Variants in EVC observed in about 807,000 individuals in gnomAD.
EVC encodes evC complex member EVC.
In EVC, 116 loss-of-function variants were observed where a neutral mutation model predicts 118.9. The observed-to-expected ratio is 0.98, with a 90% confidence interval of 0.84 to 1.14. EVC has a LOEUF of 1.14. Among genes scored for constraint, EVC ranks in the 50% most tolerant of loss-of-function variants. The probability of loss-of-function intolerance (pLI) is 0.00; values close to 1 mark genes in which losing one functional copy is unlikely to be tolerated. For missense variants in EVC, 1,401 were observed against 1,246.4 expected, an observed-to-expected ratio of 1.12 and a Z score of -1.87; for synonymous variants, 619 against 534.7, an observed-to-expected ratio of 1.16 and a Z score of -2.18.
chr4:5,761,244 C>G (rs1264285759), intron 11 of EVC, among the ~76,000 whole-genome samples: 1 of 152,040 alleles, frequency 6.6e-6, no homozygotes, highest in African/African-American at 2.4e-5. Context: ...GAATGCCTCC[C>G]CGCCTGCTCC....
intron 13 of EVC, 24 bp downstream of exon 13, chr4:5,793,741 C>T (rs1373650012): frequency 2.0e-6 from 3 of 1,527,406 alleles, no homozygotes; most frequent in Admixed American, 3.9e-5. Context: ...CCTGAAGGCC[C>T]AGGGCTTTGT....
chr4:5,782,633 T>G (rs1735795994), intron 11 of EVC, among the ~76,000 whole-genome samples: 1 of 151,348 alleles, frequency 6.6e-6, no homozygotes, highest in Admixed American at 6.6e-5. Flanking sequence ...TTTTCATGAT[T>G]TTTAGAAAGA....
intron 2 of EVC, among the ~76,000 whole-genome samples, chr4:5,720,712 G>A (rs914266474): frequency 7.9e-5 from 12 of 152,330 alleles, no homozygotes; most frequent in African/African-American, 2.9e-4. Context: ...TGGACGGGGG[G>A]AGAGATGGGG....
chr4:5,749,182 G>T lies in EVC; in HGVS notation c.1098+876G>T, dbSNP rs1729961488. ...TGGAGTGGAGGCCCTGGCATTGTGG[G>T]TTTTAAAACTCCCTGAACTATTCTG... On this transcript the variant is annotated intron_variant, in intron 8 of 20. Transcript: ENST00000264956. This position sits in a 1 kb window ranked among gnomAD's most constrained non-coding sequence, Gnocchi z 4.4. 1.3e-5 allele frequency among the ~76,000 whole-genome samples: 2 copies of T among 152,006 alleles called. No homozygotes were observed. The highest frequency in any genetic ancestry group is 4.8e-5 in the African/African-American group (2 of 41,360).
At chr4:5,828,772 TG>T in the EVC span, 2 of 1,350,390 alleles carry the variant, frequency 1.5e-6, no homozygotes, top group African/African-American at 1.5e-5. Flanking sequence ...CGTGTTCCAA[TG>T]TTTTTTTTTC....
intron 6 of EVC, among the ~76,000 whole-genome samples, chr4:5,744,308 T>C (rs1729035950): frequency 6.6e-6 from 1 of 152,186 alleles, no homozygotes; most frequent in East Asian, 1.9e-4. Flanking sequence ...GGATTAGAAA[T>C]CACATATGGC....
chr4:5,804,743 A>G lies in EVC; in HGVS notation c.2463A>G (p.Glu821=), dbSNP rs762865760. The stretch of plus-strand genomic sequence containing the variant: ...TAAATGGTCTAGGTGAGAGGATGGA[A>G]AATTACAAACTGCGGAAAAAGCAAG... ...HLKTLQGERM[E]NYKLRKKQEL... The change falls in exon 17 of 21, where the codon GAA becomes GAG. Residue 821 remains glutamate, a synonymous_variant. Coordinates refer to ENST00000264956, the MANE Select transcript of EVC (RefSeq NM_153717.3). 4 of 1,614,106 alleles carry G rather than the reference A, an allele frequency of 2.5e-6. No individual in the cohort carries two copies. The highest frequency in any genetic ancestry group is 3.4e-6 in the Non-Finnish European group (4 of 1,180,018).
intron 8 of EVC, among the ~76,000 whole-genome samples, chr4:5,748,738 A>G: frequency 1.5e-5 from 1 of 67,100 alleles, no homozygotes; most frequent in Non-Finnish European, 3.5e-5. Flanking sequence ...CCACCCATCA[A>G]TCCACCCATC....
intron 11 of EVC, among the ~76,000 whole-genome samples, chr4:5,762,427 TG>T (rs1300648769): frequency 9.8e-5 from 13 of 132,500 alleles, no homozygotes; most frequent in Admixed American, 1.5e-4. Context: ...AGTAATGGGA[TG>T]GCTGGGTCAA....
At chr4:5,803,915 C>T (rs1183677548) in intron 16 of EVC, among the ~76,000 whole-genome samples, 5 of 150,118 alleles carry the variant, frequency 3.3e-5, no homozygotes, top group African/African-American at 1.2e-4. Flanking sequence ...CAGGTCTAAA[C>T]CATGCCTGTC....
Position 5,741,799 on chromosome 4 carries a change from T to C in EVC, c.786T>C (p.Leu262=). 2.0e-6 allele frequency: 3 copies of C among 1,500,858 alleles called. No individual in the cohort carries two copies. The highest frequency in any genetic ancestry group is 1.1e-5 in the South Asian group (1 of 88,174). The allele number at this position is 1,500,858 out of a possible 1,614,324, so 93.0% of individuals were successfully genotyped here. A position where few individuals can be genotyped will look rare whatever the true frequency, so the allele number is the denominator to read the frequency against. The part of the protein sequence containing the change: ...KSDDELYQKI[L]SKQEKDLEEL... Reference sequence around the variant, plus strand: ...ATGATGAACTATACCAGAAGATCCTTTCAAAACAAGAAAAAGTAAGTCTTC... The same window carrying C: ...ATGATGAACTATACCAGAAGATCCTCTCAAAACAAGAAAAAGTAAGTCTTC... The change falls in exon 6 of 21, where the codon CTT becomes CTC. Residue 262 remains leucine, a synonymous_variant. Coordinates refer to ENST00000264956, the MANE Select transcript of EVC (RefSeq NM_153717.3).
At chr4:5,745,123 A>T (rs536802925) in intron 6 of EVC, 81 bp from the exon 7 acceptor site, 2 of 1,384,708 alleles carry the variant, frequency 1.4e-6, no homozygotes, top group South Asian at 2.5e-5. Context: ...TGAAAAATAA[A>T]AGCATTTATT....
intron 2 of EVC, among the ~76,000 whole-genome samples, chr4:5,721,681 A>G (rs1209385655): frequency 5.3e-5 from 8 of 152,182 alleles, no homozygotes; most frequent in Non-Finnish European, 1.2e-4. Flanking sequence ...AGCCTGGCCA[A>G]CATGGTGAAA....
the EVC span, chr4:5,821,706 G>A: frequency 6.7e-7 from 1 of 1,502,524 alleles, no homozygotes; most frequent in Non-Finnish European, 9.1e-7. The surrounding 1 kb of genome is among the most constrained non-coding windows in gnomAD (Gnocchi z 4.4). Context: ...GACAGGAAAA[G>A]GGATGGACAT....
chr4:5,782,050 CTGTA>C (rs1280134298), intron 11 of EVC, among the ~76,000 whole-genome samples: 5 of 152,094 alleles, frequency 3.3e-5, no homozygotes, highest in African/African-American at 1.2e-4. Context: ...CCAACTTGAC[CTGTA>C]AAGTTCCATG....
At position 5,811,040 on chromosome 4, in the gene EVC, T is replaced by A. The variant is rs368249789; in HGVS notation, c.*3T>A. The A allele has an allele frequency of 5.6e-6, 9 of 1,608,902 alleles. No homozygotes were observed. Among genetic ancestry groups the A allele is most frequent in the Non-Finnish European group, 5.9e-6 (7 of 1,177,250 alleles). ...TAAAGAGAAGAAGCAACTTGTAGTTTAAGACCAGTCGGTGGGACAAGACCT... is the reference window on the plus strand; with the variant it reads ...TAAAGAGAAGAAGCAACTTGTAGTTAAAGACCAGTCGGTGGGACAAGACCT... On this transcript the variant is annotated 3_prime_UTR_variant, in exon 21 of 21. Coordinates refer to ENST00000264956, the MANE Select transcript of EVC (RefSeq NM_153717.3).
At position 5,749,713 on chromosome 4, in the gene EVC, CA is replaced by C; in HGVS notation, c.1098+1408del. Among the ~76,000 whole-genome samples the C allele has an allele frequency of 6.6e-6, 1 of 152,302 alleles. No homozygotes were observed. The highest frequency in any genetic ancestry group is 2.1e-4 in the South Asian group (1 of 4,822). On this transcript the variant is annotated intron_variant, in intron 8 of 20. Transcript: ENST00000264956. The surrounding 1 kb of genome is among the most constrained non-coding windows in gnomAD (Gnocchi z 4.4). ...GAGCCCTCTGATGCTGCCCTGCACCCATTTCCCCGTCCTGTGCACCAGCCCG... is the reference window on the plus strand; with the variant it reads ...GAGCCCTCTGATGCTGCCCTGCACCCTTTCCCCGTCCTGTGCACCAGCCCG...
chr4:5,748,215 G>C lies in EVC; in HGVS notation c.1007G>C (p.Ser336Thr). 6.2e-7 allele frequency: 1 copy of C among 1,614,180 alleles called. No individual in the cohort carries two copies. The highest frequency in any genetic ancestry group is 8.5e-7 in the Non-Finnish European group (1 of 1,180,044). ...HFLVDQFKCS[S>T]SKARQLMMTL... ...CTTGTGGACCAGTTTAAGTGTTCCAGCTCCAAAGCCCGACAGCTGATGATG... is the reference window on the plus strand; with the variant it reads ...CTTGTGGACCAGTTTAAGTGTTCCACCTCCAAAGCCCGACAGCTGATGATG... Residue 336 changes from serine (S) to threonine (T), a missense_variant, in exon 8 of 21, where the codon AGC (serine) becomes ACC (threonine). Transcript: ENST00000264956.
chr4:5,772,371 A>C (rs77811168), intron 11 of EVC, among the ~76,000 whole-genome samples: 2 of 60,674 alleles, frequency 3.3e-5, no homozygotes. Flanking sequence ...TCAAGAAGCA[A>C]ACAGACCAGG....
Sources: gnomAD v4.1 joint callset for allele counts (sites outside exome capture counted in the v4.1 genomes callset) on GRCh38, gnomAD v4.1.1 for gene constraint, Gnocchi (gnomAD v3.1) non-coding constraint, MANE v1.5 for transcripts, NCBI Gene and HGNC (gene_info 2026-07-23, HGNC 2026-07-21) for gene names.